Variants in PMEPA1 observed in about 807,000 individuals in gnomAD.
PMEPA1 encodes protein TMEPAI.
PMEPA1 carries 11 observed loss-of-function variants against 23.0 expected under a neutral mutation model. The ratio of observed to expected loss-of-function variants is 0.48; its 90% CI spans 0.30 to 0.79. The LOEUF (loss-of-function observed/expected upper bound fraction) is 0.79. Among genes scored for constraint, PMEPA1 ranks in the 30% least tolerant of loss-of-function variants. The probability of loss-of-function intolerance (pLI) is 0.06; values close to 1 mark genes in which losing one functional copy is unlikely to be tolerated. For missense variants in PMEPA1, 377 were observed against 390.9 expected, an observed-to-expected ratio of 0.96 and a Z score of 0.30; for synonymous variants, 204 against 166.4, an observed-to-expected ratio of 1.23 and a Z score of -1.74.
At chr20:57,702,693 G>A (rs1357120117) in intron 1 of PMEPA1, among the ~76,000 whole-genome samples, 1 of 152,184 alleles carries the variant, frequency 6.6e-6, no homozygotes, top group Non-Finnish European at 1.5e-5. Flanking sequence ...TCAGTTCCTG[G>A]CTGTGTGACC....
chr20:57,710,510 C>G (rs371865419), upstream of PMEPA1: 387 of 1,595,348 alleles, frequency 2.4e-4, 1 homozygote, highest in Middle Eastern at 9.9e-4. Flanking sequence ...TCCAGCAGCT[C>G]GGGGATCATG....
intron 1 of PMEPA1, among the ~76,000 whole-genome samples, chr20:57,699,017 T>C (rs2071977286): frequency 6.6e-6 from 1 of 152,180 alleles, no homozygotes; most frequent in South Asian, 2.1e-4. Flanking sequence ...ACCTGCTGTA[T>C]AACTCAGGGG....
At chr20:57,700,200 T>C (rs377734040) in intron 1 of PMEPA1, 58 of 467,032 alleles carry the variant, frequency 1.2e-4, no homozygotes, top group South Asian at 8.4e-4. Flanking sequence ...TCAATGACAA[T>C]AGAGGCTGAC....
chr20:57,666,500 T>C (rs1363778742), intron 1 of PMEPA1, among the ~76,000 whole-genome samples: 4 of 151,774 alleles, frequency 2.6e-5, no homozygotes, highest in Non-Finnish European at 5.9e-5. Context: ...CAGAAATGAG[T>C]TCCTCTGACC....
At chr20:57,687,725 C>A (rs1378966884) in intron 1 of PMEPA1, among the ~76,000 whole-genome samples, 3 of 152,230 alleles carry the variant, frequency 2.0e-5, no homozygotes, top group East Asian at 1.9e-4. Context: ...TGGGGAGCAA[C>A]TGACACAGCT....
chr20:57,707,202 G>A (rs560918075), intron 1 of PMEPA1, among the ~76,000 whole-genome samples: 19 of 152,206 alleles, frequency 1.2e-4, no homozygotes, highest in Non-Finnish European at 1.8e-4. Flanking sequence ...CTAGTTAAAA[G>A]AAAAACCAAA....
At chr20:57,654,743 G>C (rs1360562266) in intron 2 of PMEPA1, among the ~76,000 whole-genome samples, 1 of 152,136 alleles carries the variant, frequency 6.6e-6, no homozygotes, top group Non-Finnish European at 1.5e-5. Flanking sequence ...GCCTCCATGT[G>C]CAGACAGTCC....
Position 57,652,842 on chromosome 20 carries a change from AGAGCAGAGAGCTGGGCTGCTCCCTCAG to A in PMEPA1, c.318+164_318+190del, listed in dbSNP as rs1367278845. 6.6e-6 allele frequency among the ~76,000 whole-genome samples: 1 copy of A among 152,132 alleles called. No homozygotes were observed. Among genetic ancestry groups the A allele is most frequent in the East Asian group, 1.9e-4 (1 of 5,170 alleles). On this transcript the variant is annotated intron_variant, in intron 3 of 3. Coordinates refer to ENST00000341744, the MANE Select transcript of PMEPA1 (RefSeq NM_020182.5). This position sits in a 1 kb window ranked among gnomAD's most constrained non-coding sequence, Gnocchi z 6.1. ...GCAGCGTCCGTGCTCCCGTGTGCAG[AGAGCAGAGAGCTGGGCTGCTCCCTCAG>A]GGGCAGGGAGCAGATGATCTCCGGC...
chr20:57,662,664 G>A (rs927306112), intron 1 of PMEPA1, among the ~76,000 whole-genome samples: 1 of 152,164 alleles, frequency 6.6e-6, no homozygotes, highest in African/African-American at 2.4e-5. Context: ...GGATAAAGCC[G>A]CATTCAGGGT....
intron 1 of PMEPA1, among the ~76,000 whole-genome samples, chr20:57,687,060 C>T (rs1435336497): frequency 6.6e-6 from 1 of 152,270 alleles, no homozygotes; most frequent in Non-Finnish European, 1.5e-5. Context: ...TGTTCCTAAT[C>T]TTCGCTCCTC....
chr20:57,669,662 TA>T (rs962988128), intron 1 of PMEPA1, among the ~76,000 whole-genome samples: 17 of 152,304 alleles, frequency 1.1e-4, no homozygotes, highest in Admixed American at 6.5e-4. Flanking sequence ...AATATGTTTT[TA>T]AAAATACAGG....
intron 1 of PMEPA1, among the ~76,000 whole-genome samples, chr20:57,680,459 C>T (rs2071697682): frequency 6.6e-6 from 1 of 152,236 alleles, no homozygotes; most frequent in Admixed American, 6.5e-5. Flanking sequence ...TAAACATCCA[C>T]CCTGCCACGC....
chr20:57,696,122 C>A (rs1600669864), intron 1 of PMEPA1, among the ~76,000 whole-genome samples: 1 of 152,208 alleles, frequency 6.6e-6, no homozygotes, highest in South Asian at 2.1e-4. Context: ...CCAGGGATCG[C>A]TGCTGGCACC....
intron 1 of PMEPA1, among the ~76,000 whole-genome samples, chr20:57,687,418 G>A (rs2071815858): frequency 6.6e-6 from 1 of 152,190 alleles, no homozygotes; most frequent in Admixed American, 6.5e-5. Context: ...GGTCAGGAAA[G>A]AACCCAGGTG....
At chr20:57,673,943 T>C (rs1057084283) in intron 1 of PMEPA1, among the ~76,000 whole-genome samples, 1 of 152,206 alleles carries the variant, frequency 6.6e-6, no homozygotes, top group Non-Finnish European at 1.5e-5. Context: ...GCAACCAACA[T>C]GGGAGTTCCA....
intron 2 of PMEPA1, 127 bp from the exon 3 acceptor site, chr20:57,653,213 A>T: frequency 1.3e-6 from 1 of 781,564 alleles, no homozygotes; most frequent in South Asian, 1.5e-5. Flanking sequence ...ACCTCTCTGC[A>T]TCGGAACCAG....
In PMEPA1 at chr20:57,709,953, T is replaced by A; in HGVS notation, c.-371A>T. 9.9e-7 allele frequency: 1 copy of A among 1,008,686 alleles called. No homozygotes were observed. Among genetic ancestry groups the A allele is most frequent in the Non-Finnish European group, 1.2e-6 (1 of 848,796 alleles). The allele number at this position is 1,008,686 out of a possible 1,614,324, so 62.5% of individuals were successfully genotyped here. ...GCCGCCGCCGCCTCCTCCTCCTCAT[T>A]CAAGTCCAAGGAGATCGGGTTTCGC... On this transcript the variant is annotated 5_prime_UTR_variant, in exon 1 of 4. Coordinates refer to ENST00000341744, the MANE Select transcript of PMEPA1 (RefSeq NM_020182.5).
intron 1 of PMEPA1, among the ~76,000 whole-genome samples, chr20:57,662,419 A>T (rs1475981827): frequency 2.6e-5 from 4 of 152,174 alleles, no homozygotes; most frequent in Admixed American, 1.3e-4. Context: ...GCGTCCTCCC[A>T]CTAGGCTTGG....
rs904319298 is a variant in PMEPA1 at position 57,708,974 on chromosome 20, C to G, written c.109+500G>C. ...AGACAGAGCCACGCAGCCACGCACACTCCACAGACGCACGGACATCCACTC... is the reference window on the plus strand; with the variant it reads ...AGACAGAGCCACGCAGCCACGCACAGTCCACAGACGCACGGACATCCACTC... On this transcript the variant is annotated intron_variant, in intron 1 of 3. Coordinates refer to ENST00000341744, the MANE Select transcript of PMEPA1 (RefSeq NM_020182.5). 2.6e-5 allele frequency among the ~76,000 whole-genome samples: 4 copies of G among 152,030 alleles called. No homozygotes were observed. In the East Asian group the frequency reaches 7.7e-4, roughly 29 times the overall value.
Sources: allele counts gnomAD v4.1 joint callset (sites outside exome capture counted in the v4.1 genomes callset), GRCh38; gene constraint gnomAD v4.1.1; non-coding constraint Gnocchi (gnomAD v3.1); transcripts MANE v1.5; gene names NCBI Gene and HGNC (gene_info 2026-07-23, HGNC 2026-07-21).